Variants in CRK observed in about 807,000 individuals in gnomAD.
The protein encoded by CRK is CRK proto-oncogene, adaptor protein, also known as adapter molecule crk.
Under a neutral mutation model 29.8 loss-of-function variants are expected in CRK, and 4 were observed. The observed-to-expected ratio is 0.13, with a 90% CI of 0.07 to 0.31. The LOEUF (loss-of-function observed/expected upper bound fraction) is 0.31, where lower values mean the gene tolerates loss of function less well. CRK is among the 10% of genes least tolerant of loss of function. CRK has a pLI of 1.00. For synonymous variants in CRK, 153 were observed against 164.9 expected (o/e 0.93, Z 0.55); for missense variants, 274 against 396.5 (o/e 0.69, Z 2.62).
intron 1 of CRK, among the ~76,000 whole-genome samples, 158 bp downstream of exon 1, chr17:1,455,719 G>A (rs995152595): frequency 3.9e-5 from 6 of 152,006 alleles, no homozygotes; most frequent in African/African-American, 1.2e-4. Context: ...CCTGCTCCCC[G>A]GGTGAGAGCG....
chr17:1,429,100 G>A (rs2073812282), intron 2 of CRK, among the ~76,000 whole-genome samples: 1 of 150,676 alleles, frequency 6.6e-6, no homozygotes, highest in Non-Finnish European at 1.5e-5. Context: ...CGCCCACCTT[G>A]GCCTCCCAAA....
At position 1,420,705 on chromosome 17, in the gene CRK, G is replaced by T. The variant is rs2150895197; in HGVS notation, c.*2808C>A. On this transcript the variant is annotated 3_prime_UTR_variant, in exon 3 of 3. Transcript: ENST00000300574. ...ATTCAAAGATTACTTTTTTGCAAAA[G>T]ATCACCAAGCCAAACATTTGGCCAT... 1 of 150,628 alleles carries T rather than the reference G, an allele frequency of 6.6e-6. No homozygotes were observed. The highest frequency in any genetic ancestry group is 1.9e-4 in the East Asian group (1 of 5,154). The allele number at this position is 150,628 out of a possible 1,614,324, so 9.3% of individuals were successfully genotyped here.
chr17:1,443,300 G>A (rs1249318309), intron 1 of CRK, among the ~76,000 whole-genome samples: 1 of 151,976 alleles, frequency 6.6e-6, no homozygotes, highest in Non-Finnish European at 1.5e-5. Context: ...CACTTTCTAG[G>A]CTTAAGCAAT....
chr17:1,453,351 C>T (rs1366661929), intron 1 of CRK, among the ~76,000 whole-genome samples: 1 of 152,162 alleles, frequency 6.6e-6, no homozygotes, highest in East Asian at 1.9e-4. Flanking sequence ...ACAAACCTGC[C>T]TGCTGCCATT....
chr17:1,446,458 GACT>G (rs1317051279), intron 1 of CRK, among the ~76,000 whole-genome samples: 5 of 152,126 alleles, frequency 3.3e-5, no homozygotes, highest in African/African-American at 1.2e-4. Context: ...GAACAAATGA[GACT>G]ACTAAGCCAA....
intron 1 of CRK, among the ~76,000 whole-genome samples, chr17:1,443,391 A>G (rs1190080116): frequency 6.6e-6 from 1 of 150,984 alleles, no homozygotes; most frequent in Non-Finnish European, 1.5e-5. Flanking sequence ...TGTATTTTTT[A>G]TTTTTACTTT....
intron 1 of CRK, among the ~76,000 whole-genome samples, chr17:1,451,411 T>C (rs2074017317): frequency 6.6e-6 from 1 of 151,600 alleles, no homozygotes; most frequent in African/African-American, 2.4e-5. Flanking sequence ...TTGTATTTTT[T>C]AGTAGAAACA....
intron 2 of CRK, among the ~76,000 whole-genome samples, chr17:1,431,824 G>T (rs905368248): frequency 6.6e-6 from 1 of 152,142 alleles, no homozygotes; most frequent in Non-Finnish European, 1.5e-5. Flanking sequence ...AGGTGAAACC[G>T]AGTGCTTGCC....
At chr17:1,433,232 T>C (rs979131322) in intron 2 of CRK, among the ~76,000 whole-genome samples, 4 of 152,328 alleles carry the variant, frequency 2.6e-5, no homozygotes, top group African/African-American at 9.6e-5. Context: ...ATCACAGAAC[T>C]GGTTTTCTTT....
chr17:1,446,290 C>T (rs1009066077), intron 1 of CRK, among the ~76,000 whole-genome samples: 5 of 152,138 alleles, frequency 3.3e-5, no homozygotes, highest in South Asian at 2.1e-4. Context: ...GTTGGAATAA[C>T]GCACTGTGTC....
chr17:1,436,863 C>G lies in CRK; in HGVS notation c.534G>C (p.Lys178Asn). Reference protein sequence around the residue: ...QWWNAEDSEGKRGMIPVPYVE... With the variant: ...QWWNAEDSEGNRGMIPVPYVE... ...CGTAAGGGACTGGAATCATCCCTCT[C>G]TTGCCTTCGCTGTCCTCCGCATTCC... is the stretch of plus-strand genomic sequence containing the variant. The change falls in exon 2 of 3, where the codon AAG (lysine) becomes AAC (asparagine). Residue 178 changes from lysine to asparagine, a missense_variant. Physicochemically the swap from Lys to Asn is moderately conservative, Grantham distance 94 (BLOSUM62 0). Coordinates refer to ENST00000300574, the MANE Select transcript of CRK (RefSeq NM_016823.4). 6.2e-7 allele frequency: 1 copy of G among 1,610,046 alleles called. No homozygotes were observed. Among genetic ancestry groups the G allele is most frequent in the Non-Finnish European group, 8.5e-7 (1 of 1,177,556 alleles).
intron 2 of CRK, among the ~76,000 whole-genome samples, chr17:1,434,990 A>G (rs370433138): frequency 6.6e-6 from 1 of 152,148 alleles, no homozygotes; most frequent in African/African-American, 2.4e-5. Flanking sequence ...TGAGAAAGGA[A>G]ATGCAAATAG....
intron 1 of CRK, among the ~76,000 whole-genome samples, chr17:1,443,982 G>C (rs2089497615): frequency 6.6e-6 from 1 of 151,058 alleles, no homozygotes; most frequent in South Asian, 2.1e-4. Context: ...TTACAGGCGT[G>C]AGCCACCCCG....
rs1029064679 is a variant in CRK, at chr17:1,456,093, C to T, written c.25G>A (p.Glu9Lys). The T allele has an allele frequency of 1.3e-6, 2 of 1,557,948 alleles. No individual in the cohort carries two copies. The highest frequency in any genetic ancestry group is 1.9e-5 in the Admixed American group (1 of 52,162). Residue 9 changes from glutamate (E) to lysine (K), a missense_variant, in exon 1 of 3, where the codon GAG becomes AAG. Physicochemically the swap from Glu to Lys is moderately conservative, Grantham distance 56 (BLOSUM62 1). Around this residue, in one of 3 missense-constraint regions of CRK, gnomAD observed 135 missense variants for 180.9 expected, o/e 0.75. Coordinates refer to ENST00000300574, the MANE Select transcript of CRK (RefSeq NM_016823.4). ...CTCCCCCAGTACCAGCTACTCCGCT[C>T]CTCCGAGTCGAAGTTGCCCGCCATG... MAGNFDSE[E>K]RSSWYWGRLS...
At chr17:1,447,651 C>A (rs1404419015) in intron 1 of CRK, among the ~76,000 whole-genome samples, 1 of 149,252 alleles carries the variant, frequency 6.7e-6, no homozygotes, top group African/African-American at 2.5e-5. Flanking sequence ...CTCTGTTGCC[C>A]AGGCTGGAGT....
chr17:1,439,463 A>G (rs1446002507), intron 1 of CRK, among the ~76,000 whole-genome samples: 1 of 152,148 alleles, frequency 6.6e-6, no homozygotes, highest in African/African-American at 2.4e-5. Context: ...CCAAAACAGC[A>G]AACTATTTTC....
chr17:1,447,887 G>T (rs1367773081), intron 1 of CRK, among the ~76,000 whole-genome samples: 1 of 152,066 alleles, frequency 6.6e-6, no homozygotes, highest in Non-Finnish European at 1.5e-5. Context: ...AAAGTGCTGG[G>T]ATTACAGGCG....
At chr17:1,425,603 G>A (rs772267576) in intron 2 of CRK, among the ~76,000 whole-genome samples, 3 of 152,180 alleles carry the variant, frequency 2.0e-5, no homozygotes, top group Non-Finnish European at 4.4e-5. Context: ...ATTTCATACA[G>A]TATCAGGAAC....
At chr17:1,449,904 A>G (rs1212743071) in intron 1 of CRK, among the ~76,000 whole-genome samples, 1 of 152,180 alleles carries the variant, frequency 6.6e-6, no homozygotes, top group Non-Finnish European at 1.5e-5. Context: ...CCATGCCTTT[A>G]AAAATAATAC....
Sources: gnomAD v4.1 joint callset for allele counts (sites outside exome capture counted in the v4.1 genomes callset) on GRCh38, gnomAD v4.1.1 for gene constraint, gnomAD v4.1.1 regional missense constraint, MANE v1.5 for transcripts, NCBI Gene and HGNC (gene_info 2026-07-23, HGNC 2026-07-21) for gene names.